The following HDAC9 variants were observed in gnomAD, a reference collection of about 807,000 sequenced individuals.
HDAC9 encodes the protein MEF-2 interacting transcription repressor (MITR) protein.
HDAC9 carries 41 observed loss-of-function variants against 139.4 expected under a neutral mutation model. The observed-to-expected ratio is 0.29, with a 90% CI of 0.23 to 0.38. HDAC9 has a LOEUF of 0.38. HDAC9 is among the 10% of genes least tolerant of loss of function. HDAC9 has a pLI of 1.00. For missense variants in HDAC9, 1,147 were observed against 1,297.0 expected (o/e 0.88, Z 1.78); for synonymous variants, 517 against 476.2 (o/e 1.09, Z -1.12).
upstream of HDAC9, among the ~76,000 whole-genome samples, chr7:18,285,788 G>C (rs17663430): frequency 1.8e-4 from 27 of 152,092 alleles, no homozygotes; most frequent in African/African-American, 6.5e-4. Context: ...TGTTCCAGTG[G>C]TAGTTTTTCT....
At chr7:18,224,922 T>C (rs951989611) in intron 2 of HDAC9, among the ~76,000 whole-genome samples, 1 of 151,854 alleles carries the variant, frequency 6.6e-6, no homozygotes, top group African/African-American at 2.4e-5. Context: ...TTGGAGGATA[T>C]AGAGGATGGA....
intron 17 of HDAC9, among the ~76,000 whole-genome samples, chr7:18,804,046 T>A (rs1033832151): frequency 2.0e-5 from 3 of 152,206 alleles, no homozygotes. Context: ...ATGATACAAG[T>A]TCATGTGAAA....
At chr7:18,687,760 A>G (rs1041276858) in intron 12 of HDAC9, among the ~76,000 whole-genome samples, 1 of 151,878 alleles carries the variant, frequency 6.6e-6, no homozygotes, top group Non-Finnish European at 1.5e-5. Context: ...AAAGCTGTGT[A>G]TTTCTGCAGG....
chr7:18,956,731 C>T (rs1783177260), intron 24 of HDAC9, among the ~76,000 whole-genome samples: 1 of 152,122 alleles, frequency 6.6e-6, no homozygotes, highest in African/African-American at 2.4e-5. Context: ...AACTTAGCTC[C>T]AACTCCAGGG....
chr7:18,823,535 AG>A (rs1251731901), intron 17 of HDAC9, among the ~76,000 whole-genome samples: 1 of 152,104 alleles, frequency 6.6e-6, no homozygotes, highest in Non-Finnish European at 1.5e-5. Flanking sequence ...AAAGTGACAA[AG>A]TGATTGAAAG....
intron 2 of HDAC9, among the ~76,000 whole-genome samples, chr7:18,162,825 A>G (rs1370367343): frequency 1.3e-5 from 2 of 152,020 alleles, no homozygotes; most frequent in Non-Finnish European, 2.9e-5. Flanking sequence ...TGTTTCCTAT[A>G]TACATATTTA....
chr7:18,647,233 C>T (rs1038197773), intron 9 of HDAC9, among the ~76,000 whole-genome samples: 2 of 152,022 alleles, frequency 1.3e-5, no homozygotes. Flanking sequence ...ATGTACTTTC[C>T]ACTTATTAAG....
intron 11 of HDAC9, among the ~76,000 whole-genome samples, chr7:18,661,667 A>G (rs749753248): frequency 2.0e-5 from 3 of 152,228 alleles, no homozygotes; most frequent in East Asian, 3.9e-4. Context: ...TTATATCTAT[A>G]TGTTTTCTAC....
intron 22 of HDAC9, among the ~76,000 whole-genome samples, chr7:18,908,584 ACT>A (rs1802477293): frequency 6.6e-6 from 1 of 151,730 alleles, no homozygotes; most frequent in Non-Finnish European, 1.5e-5. Flanking sequence ...ACACTATTCT[ACT>A]CTCTACTTCC....
At chr7:18,773,738 GC>G (rs56813773) in intron 16 of HDAC9, among the ~76,000 whole-genome samples, 35,179 of 151,684 alleles carry the variant, frequency 0.23, 4,740 homozygotes, top group East Asian at 0.61. Flanking sequence ...AATTCTTGTA[GC>G]AGCCTGAAAT....
At chr7:18,755,938 C>T (rs1216952416) in intron 14 of HDAC9, among the ~76,000 whole-genome samples, 4 of 152,056 alleles carry the variant, frequency 2.6e-5, no homozygotes, top group African/African-American at 7.2e-5. Flanking sequence ...TTAACCATTC[C>T]GTAGTCCCAA....
intron 1 of HDAC9, among the ~76,000 whole-genome samples, chr7:18,385,758 C>T (rs1785864925): frequency 6.6e-6 from 1 of 152,086 alleles, no homozygotes; most frequent in Non-Finnish European, 1.5e-5. Flanking sequence ...TGCACTGAAT[C>T]TTTTTATTTT....
At chr7:18,638,534 C>T (rs1784585144) in intron 8 of HDAC9, among the ~76,000 whole-genome samples, 1 of 152,062 alleles carries the variant, frequency 6.6e-6, no homozygotes, top group Non-Finnish European at 1.5e-5. Context: ...TTCCCCTGAC[C>T]CCCAGATTCC....
At chr7:18,634,288 T>A (rs1311340226) in intron 7 of HDAC9, among the ~76,000 whole-genome samples, 3 of 151,988 alleles carry the variant, frequency 2.0e-5, no homozygotes, top group African/African-American at 7.2e-5. Flanking sequence ...TACTGTTATT[T>A]TCTGTAATAG....
chr7:18,979,436 A>C (rs534520204), intron 25 of HDAC9, among the ~76,000 whole-genome samples: 17 of 152,320 alleles, frequency 1.1e-4, no homozygotes, highest in African/African-American at 4.1e-4. Flanking sequence ...TAGAAGCTAA[A>C]TGTTGCACAA....
At chr7:18,411,205 C>T (rs924592791) in intron 1 of HDAC9, among the ~76,000 whole-genome samples, 1 of 152,078 alleles carries the variant, frequency 6.6e-6, no homozygotes, top group Non-Finnish European at 1.5e-5. Context: ...TACTGGAGAC[C>T]TACTTTCTAT....
At chr7:18,206,094 C>T (rs1791491610) in intron 2 of HDAC9, among the ~76,000 whole-genome samples, 1 of 151,850 alleles carries the variant, frequency 6.6e-6, no homozygotes, top group Non-Finnish European at 1.5e-5. Flanking sequence ...ATTTGTGTGC[C>T]ATGAAAGCTA....
At chr7:18,459,757 TA>T (rs756229833) in intron 1 of HDAC9, among the ~76,000 whole-genome samples, 1 of 152,194 alleles carries the variant, frequency 6.6e-6, no homozygotes, top group Non-Finnish European at 1.5e-5. Flanking sequence ...ACTTCCTTAT[TA>T]AAGTGAAAGG....
intron 12 of HDAC9, among the ~76,000 whole-genome samples, chr7:18,691,455 A>G (rs1184478145): frequency 6.6e-6 from 1 of 151,966 alleles, no homozygotes; most frequent in East Asian, 1.9e-4. Flanking sequence ...ATAAAACTAA[A>G]TTATATGTTG....
Sources: gnomAD v4.1 joint callset for allele counts (sites outside exome capture counted in the v4.1 genomes callset) on GRCh38, gnomAD v4.1.1 for gene constraint, MANE v1.5 for transcripts, NCBI Gene and HGNC (gene_info 2026-07-23, HGNC 2026-07-21) for gene names.